CSMD1: variants seen among roughly 807,000 people sequenced by gnomAD.
The protein encoded by CSMD1 is CUB and Sushi multiple domains 1.
CSMD1 carries 213 observed loss-of-function variants against 417.5 expected under a neutral mutation model. The ratio of observed to expected loss-of-function variants is 0.51; its 90% confidence interval spans 0.46 to 0.57. The LOEUF (loss-of-function observed/expected upper bound fraction) is 0.57. Among genes scored for constraint, CSMD1 ranks in the 20% least tolerant of loss-of-function variants. The pLI is 0.00. For missense variants in CSMD1, 6,923 were observed against 4,529.7 expected (o/e 1.53, Z -15.17); for synonymous variants, 2,862 against 1,736.8 (o/e 1.65, Z -16.11).
In CSMD1 at chr8:2,973,184, C is replaced by G. The variant is rs370085174; in HGVS notation, c.8856G>C (p.Leu2952=). The change falls in exon 57 of 70, where the codon CTG becomes CTC. Residue 2952 remains leucine, a synonymous_variant. Transcript: ENST00000635120. ...LRFSCEMGHQ[L]RGSPERTCLL... The stretch of plus-strand genomic sequence containing the variant: ...AACACGTGCGTTCAGGGGAGCCCCT[C>G]AGCTGGTGCCCCATTTCACAGGAGA... 43 of 1,613,710 alleles carry G rather than the reference C, an allele frequency of 2.7e-5. No individual in the cohort carries two copies. The highest frequency in any genetic ancestry group is 3.4e-5 in the Non-Finnish European group (40 of 1,179,784).
chr8:4,304,287 C>T (rs1798132326), intron 3 of CSMD1, among the ~76,000 whole-genome samples: 1 of 152,106 alleles, frequency 6.6e-6, no homozygotes, highest in African/African-American at 2.4e-5. Context: ...TAACGGGTAA[C>T]ATGTTCAATA....
intron 3 of CSMD1, among the ~76,000 whole-genome samples, chr8:4,052,415 T>C (rs1055336357): frequency 5.9e-5 from 9 of 152,324 alleles, no homozygotes; most frequent in African/African-American, 1.2e-4. Flanking sequence ...AAGTTCCATA[T>C]TGGAGATCCC....
intron 1 of CSMD1, among the ~76,000 whole-genome samples, chr8:4,814,953 TAG>T (rs1799124337): frequency 6.6e-6 from 1 of 152,208 alleles, no homozygotes; most frequent in African/African-American, 2.4e-5. Flanking sequence ...CTGTTTATTA[TAG>T]AGACTGATGG....
chr8:4,431,836 C>G (rs187213885), intron 2 of CSMD1, among the ~76,000 whole-genome samples: 1 of 151,460 alleles, frequency 6.6e-6, no homozygotes, highest in Non-Finnish European at 1.5e-5. Flanking sequence ...TAAAGTACTA[C>G]GAAATGTGGG....
intron 1 of CSMD1, among the ~76,000 whole-genome samples, chr8:4,943,460 C>T (rs1484720668): frequency 6.6e-6 from 1 of 151,128 alleles, no homozygotes; most frequent in Non-Finnish European, 1.5e-5. Context: ...CGCACCACTG[C>T]ACTCCAGCTT....
chr8:3,825,016 G>T (rs761696661), intron 5 of CSMD1, among the ~76,000 whole-genome samples: 13 of 152,128 alleles, frequency 8.5e-5, no homozygotes, highest in Admixed American at 1.3e-4. Flanking sequence ...AATGTGGCAG[G>T]AAATGCTAGC....
intron 5 of CSMD1, among the ~76,000 whole-genome samples, chr8:3,943,389 T>C (rs1811014920): frequency 6.8e-6 from 1 of 147,148 alleles, no homozygotes; most frequent in Admixed American, 6.8e-5. Context: ...AGCTAAGTTA[T>C]ATTAGAATGT....
intron 2 of CSMD1, 22 bp from the exon 3 acceptor site, chr8:4,420,087 C>G (rs759043452): frequency 1.3e-5 from 19 of 1,500,170 alleles, no homozygotes; most frequent in East Asian, 4.9e-5. Flanking sequence ...AGACAAGACA[C>G]AAAGAGAGTT....
intron 8 of CSMD1, among the ~76,000 whole-genome samples, chr8:3,587,366 G>A (rs1173347037): frequency 6.6e-6 from 1 of 152,126 alleles, no homozygotes; most frequent in Non-Finnish European, 1.5e-5. Context: ...TGTTACAAGA[G>A]GAAATTCTAC....
At chr8:4,621,988 A>G (rs1801805777) in intron 2 of CSMD1, among the ~76,000 whole-genome samples, 1 of 152,092 alleles carries the variant, frequency 6.6e-6, no homozygotes, top group South Asian at 2.1e-4. Context: ...TATTCATAAT[A>G]AAACCCTCAG....
In CSMD1 at chr8:4,270,123, G is replaced by A. The variant is rs187509211; in HGVS notation, c.415+149830C>T. 1.7e-4 allele frequency among the ~76,000 whole-genome samples: 26 copies of A among 152,296 alleles called. No homozygotes were observed. In the East Asian group the frequency reaches 4.4e-3, roughly 26 times the overall value. ...TTCAGCAATCTCTTTCTGAGACTTT[G>A]GTTGTGATAGGGAGGCTGGAATGTG... On this transcript the variant is annotated intron_variant, in intron 3 of 69. Transcript: ENST00000635120.
At chr8:4,474,864 T>A (rs1016970595) in intron 2 of CSMD1, among the ~76,000 whole-genome samples, 3 of 152,222 alleles carry the variant, frequency 2.0e-5, no homozygotes, top group African/African-American at 7.2e-5. Flanking sequence ...TCCTTATGAC[T>A]TTCTTAACAT....
chr8:3,953,729 C>T (rs984330490), intron 5 of CSMD1, among the ~76,000 whole-genome samples: 1 of 152,164 alleles, frequency 6.6e-6, no homozygotes, highest in Non-Finnish European at 1.5e-5. Context: ...GGAGAAGCTT[C>T]CCCCACAGAG....
At chr8:3,328,894 C>A (rs7840231) in intron 23 of CSMD1, among the ~76,000 whole-genome samples, 20,424 of 152,184 alleles carry the variant, frequency 0.13, 1,771 homozygotes, top group African/African-American at 0.25. Flanking sequence ...GTCATTATAT[C>A]ATTCCTTCAA....
At chr8:3,856,679 A>T (rs1231398876) in intron 5 of CSMD1, among the ~76,000 whole-genome samples, 1 of 152,216 alleles carries the variant, frequency 6.6e-6, no homozygotes, top group Non-Finnish European at 1.5e-5. Flanking sequence ...AAGTGCCCAC[A>T]TGGCCAGTGA....
chr8:4,250,890 G>C lies in CSMD1; in HGVS notation c.415+169063C>G, dbSNP rs73498590. On this transcript the variant is annotated intron_variant, in intron 3 of 69. Coordinates refer to ENST00000635120, the MANE Select transcript of CSMD1 (RefSeq NM_033225.6). ...GGTATTCCTACTACCCTGATGAAAA[G>C]AGCACCTCTTAAACAATAAGGTCTT... Among the ~76,000 whole-genome samples the C allele has an allele frequency of 1.3e-3, 199 of 152,296 alleles. 2 individuals are homozygous for C. The highest frequency in any genetic ancestry group is 4.6e-3 in the African/African-American group (190 of 41,560).
intron 3 of CSMD1, among the ~76,000 whole-genome samples, chr8:4,108,966 A>T (rs888597049): frequency 1.3e-5 from 2 of 152,192 alleles, no homozygotes; most frequent in African/African-American, 4.8e-5. Context: ...ATAATTTAGA[A>T]ACTACAGTTT....
chr8:3,257,074 C>T lies in CSMD1; in HGVS notation c.4154-26843G>A, dbSNP rs906089596. On this transcript the variant is annotated intron_variant, in intron 26 of 69. Coordinates refer to ENST00000635120, the MANE Select transcript of CSMD1 (RefSeq NM_033225.6). Reference sequence around the variant, plus strand: ...CAGTGGCTCATGCCTGTAATCCCAGCACTTTGGGAGGCCAAGGTGGGTGGA... The same window carrying T: ...CAGTGGCTCATGCCTGTAATCCCAGTACTTTGGGAGGCCAAGGTGGGTGGA... Among the ~76,000 whole-genome samples the T allele has an allele frequency of 3.5e-4, 53 of 152,172 alleles. 2 individuals carry two copies. Among genetic ancestry groups the T allele is most frequent in the Non-Finnish European group, 2.9e-5 (2 of 68,034 alleles).
chr8:4,171,742 TTTTA>T (rs1445483496), intron 3 of CSMD1, among the ~76,000 whole-genome samples: 4 of 149,768 alleles, frequency 2.7e-5, no homozygotes, highest in African/African-American at 1.0e-4. Context: ...ATTTTCATCT[TTTTA>T]TTTTATTCTT....
Sources: allele counts gnomAD v4.1 joint callset (sites outside exome capture counted in the v4.1 genomes callset), GRCh38; gene constraint gnomAD v4.1.1; transcripts MANE v1.5; gene names NCBI Gene and HGNC (gene_info 2026-07-23, HGNC 2026-07-21).